Variants in NLGN3 observed in about 807,000 individuals in gnomAD.
NLGN3 encodes the protein neuroligin 3, also known as neuroligin-3.
In NLGN3, 11 loss-of-function variants were observed where a neutral mutation model predicts 42.9. The observed-to-expected ratio is 0.26, with a 90% CI of 0.16 to 0.42. The LOEUF is 0.42. Ranked by LOEUF, NLGN3 falls within the 10% of genes least tolerant of loss-of-function variation. The pLI, the probability that NLGN3 is intolerant of heterozygous loss-of-function variation, is 1.00. For synonymous variants in NLGN3, 279 were observed against 312.7 expected, an observed-to-expected ratio of 0.89 and a Z score of 1.14; for missense variants, 374 against 733.8, an observed-to-expected ratio of 0.51 and a Z score of 5.67.
intron 3 of NLGN3, among the ~76,000 whole-genome samples, chrX:71,153,189 C>G (rs945197589): frequency 8.9e-6 from 1 of 112,695 alleles, no homozygotes; most frequent in African/African-American, 3.2e-5. Context: ...CTGCTACCTC[C>G]TTCCTCACTG....
chrX:71,172,036 C>T (rs946796986), downstream of NLGN3, among the ~76,000 whole-genome samples: 1 of 111,319 alleles, frequency 9.0e-6, no homozygotes, highest in Non-Finnish European at 1.9e-5. Context: ...TCAGAGAGGA[C>T]GAACACAGGT....
At chrX:71,171,399 A>T (rs1311504078), downstream of NLGN3, among the ~76,000 whole-genome samples, 3 of 108,819 alleles carry the variant, frequency 2.8e-5, no homozygotes, top group Admixed American at 2.9e-4. Context: ...CTCCAATCTT[A>T]ATCAGGTTGC....
At chrX:71,171,646 G>A (rs9988338), downstream of NLGN3, 2,435 of 748,910 alleles carry the variant, frequency 3.3e-3, 50 homozygotes, top group African/African-American at 0.053. Flanking sequence ...TCTCCTATCT[G>A]AATCCAGTGC....
At chrX:71,171,656 C>T, downstream of NLGN3, 2 of 750,854 alleles carry the variant, frequency 2.7e-6, no homozygotes, top group African/African-American at 4.6e-5. Flanking sequence ...GAATCCAGTG[C>T]AGCGTCAGAC....
At position 71,169,864 on chromosome X, in the gene NLGN3, C is replaced by A. The variant is rs2092464518; in HGVS notation, c.2314C>A (p.His772Asn). 4 of 1,198,321 alleles carry A rather than the reference C, an allele frequency of 3.3e-6. No individual in the cohort carries two copies. The highest frequency in any genetic ancestry group is 2.3e-5 in the Admixed American group (1 of 44,351). The change falls in exon 8 of 8, where the codon CAC becomes AAC. Residue 772 changes from histidine (H) to asparagine (N), a missense_variant. His to Asn is a moderately conservative substitution (Grantham distance 68). Around this residue, in one of 6 missense-constraint regions of NLGN3, gnomAD observed 92 missense variants for 108.0 expected, o/e 0.85. Coordinates refer to ENST00000358741, the MANE Select transcript of NLGN3 (RefSeq NM_181303.2). Reference sequence around the variant, plus strand: ...GGCAGCATTACAACTGGGCCCCACCCACCACGAGTGTGAGGCCGGTCCCCC... The same window carrying A: ...GGCAGCATTACAACTGGGCCCCACCAACCACGAGTGTGAGGCCGGTCCCCC... Reference protein sequence around the residue: ...ELAALQLGPTHHECEAGPPHD... With the variant: ...ELAALQLGPTNHECEAGPPHD...
In NLGN3 at chrX:71,166,975, C is replaced by G. The variant is rs2233442; in HGVS notation, c.914-36C>G. On this transcript the variant is annotated intron_variant, in intron 6 of 7. Transcript: ENST00000358741. The stretch of plus-strand genomic sequence containing the variant: ...AAGAGATTTATGGCTATGTGTGACA[C>G]GACAGATCTGACCTGGTGCTACCTG... 9,998 of 1,117,846 alleles carry G rather than the reference C, an allele frequency of 8.9e-3. 77 individuals carry two copies. Among genetic ancestry groups the G allele is most frequent in the Middle Eastern group, 0.017 (54 of 3,174 alleles). The allele number at this position is 1,117,846 out of a possible 1,213,427, so 92.1% of individuals were successfully genotyped here.
chrX:71,155,546 T>C (rs2092405800), intron 5 of NLGN3, among the ~76,000 whole-genome samples, 183 bp downstream of exon 5: 1 of 112,178 alleles, frequency 8.9e-6, no homozygotes, highest in Non-Finnish European at 1.9e-5. Context: ...CCCCAGGCCC[T>C]TTCTTGGAAG....
intron 5 of NLGN3, among the ~76,000 whole-genome samples, chrX:71,156,513 C>T (rs1302775021): frequency 1.8e-5 from 2 of 110,260 alleles, no homozygotes; most frequent in African/African-American, 6.6e-5. Context: ...CATATGCATG[C>T]ACGCGTATAC....
chrX:71,170,307 A>G lies in NLGN3; in HGVS notation c.*210A>G, dbSNP rs775348798. ...TACAAAAACACAAATACGGAAGTAA[A>G]CCTGAACAAACCCTTTAAATGGGGA... On this transcript the variant is annotated 3_prime_UTR_variant, in exon 8 of 8. Transcript: ENST00000358741. The G allele has an allele frequency of 3.2e-5, 35 of 1,089,012 alleles. No homozygotes were observed. The highest frequency in any genetic ancestry group is 4.1e-5 in the Non-Finnish European group (34 of 836,798). The allele number at this position is 1,089,012 out of a possible 1,213,427, so 89.7% of individuals were successfully genotyped here.
Position 71,155,644 on chromosome X carries a change from T to C in NLGN3, c.727+281T>C, listed in dbSNP as rs145593115. Reference sequence around the variant, plus strand: ...CTCTGCTTCCAGACTTTGACTTGGCTGAGTTTTGTAGGATGCTTCAATTTT... The same window carrying C: ...CTCTGCTTCCAGACTTTGACTTGGCCGAGTTTTGTAGGATGCTTCAATTTT... On this transcript the variant is annotated intron_variant, in intron 5 of 7. Transcript: ENST00000358741. Among the ~76,000 whole-genome samples the C allele has an allele frequency of 6.8e-3, 763 of 111,601 alleles. 15 individuals are homozygous for C. Among genetic ancestry groups the C allele is most frequent in the African/African-American group, 0.024 (734 of 30,630 alleles).
intron 3 of NLGN3, among the ~76,000 whole-genome samples, chrX:71,151,849 G>C (rs908218304): frequency 8.9e-6 from 1 of 112,003 alleles, no homozygotes; most frequent in Non-Finnish European, 1.9e-5. Flanking sequence ...ATTCCTTCCC[G>C]TTTGGTAGGC....
chrX:71,148,745 C>A, intron 2 of NLGN3, 101 bp from the exon 3 acceptor site: 1 of 683,054 alleles, frequency 1.5e-6, no homozygotes, highest in South Asian at 3.5e-5. Flanking sequence ...TGCCATGTGC[C>A]GCCTGCAGAG....
chrX:71,168,154 C>T (rs961771516), intron 7 of NLGN3, among the ~76,000 whole-genome samples: 4 of 108,482 alleles, frequency 3.7e-5, no homozygotes, highest in African/African-American at 1.0e-4. Context: ...AGACCAGCCA[C>T]GGCAACATAG....
At chrX:71,155,146 C>G (rs994316543) in intron 4 of NLGN3, 68 bp from the exon 5 acceptor site, 11 of 1,170,491 alleles carry the variant, frequency 9.4e-6, no homozygotes, top group Admixed American at 6.6e-5. Flanking sequence ...CACCCACCCC[C>G]TGGGCTGGCA....
chrX:71,146,166 C>G (rs868438079), intron 1 of NLGN3, among the ~76,000 whole-genome samples: 1 of 47,759 alleles, frequency 2.1e-5, no homozygotes, highest in African/African-American at 1.2e-4. Flanking sequence ...CACACACACA[C>G]ACACAGACAC....
At chrX:71,172,627 C>CATGTGTGTGTGT (rs376125375), downstream of NLGN3, among the ~76,000 whole-genome samples, 72 of 100,525 alleles carry the variant, frequency 7.2e-4, 1 homozygote, top group African/African-American at 2.5e-3. Flanking sequence ...TGTGTGCATG[C>CATGTGTGTGTGT]GTGTGTGTGT....
At chrX:71,155,967 C>T (rs1195617185) in intron 5 of NLGN3, among the ~76,000 whole-genome samples, 3 of 110,634 alleles carry the variant, frequency 2.7e-5, no homozygotes, top group African/African-American at 6.6e-5. Context: ...CATACCCACA[C>T]GGTCTGTGTA....
In NLGN3 at chrX:71,155,161, T is replaced by C. The variant is rs1410925332; in HGVS notation, c.578-53T>C. On this transcript the variant is annotated intron_variant, in intron 4 of 7. Coordinates refer to ENST00000358741, the MANE Select transcript of NLGN3 (RefSeq NM_181303.2). ...CACCCACCCCCTGGGCTGGCAGGGG[T>C]GGGGGAGCAAGGGCATCCCACCCAG... 3.3e-6 allele frequency: 4 copies of C among 1,196,439 alleles called. No individual in the cohort carries two copies. In the African/African-American group the frequency reaches 5.3e-5, roughly 16 times the overall value.
chrX:71,164,744 G>A (rs1602327013), intron 6 of NLGN3, among the ~76,000 whole-genome samples: 2 of 111,683 alleles, frequency 1.8e-5, no homozygotes, highest in South Asian at 3.8e-4. Context: ...TCTCTCTGAA[G>A]AACAAGTCTG....
Sources: gnomAD v4.1 joint callset for allele counts (sites outside exome capture counted in the v4.1 genomes callset) on GRCh38, gnomAD v4.1.1 for gene constraint, gnomAD v4.1.1 regional missense constraint, MANE v1.5 for transcripts, NCBI Gene and HGNC (gene_info 2026-07-23, HGNC 2026-07-21) for gene names.